The following SYDE2 variants were observed in gnomAD, a reference collection of about 807,000 sequenced individuals.
SYDE2 encodes synapse defective Rho GTPase homolog 2.
A neutral mutation model predicts 91.5 loss-of-function variants in SYDE2; 76 were observed. That is an observed-to-expected ratio of 0.83 (90% CI 0.69 to 1.01). SYDE2 has a LOEUF of 1.01. SYDE2 is among the 50% of genes least tolerant of loss of function. The probability of loss-of-function intolerance (pLI) is 0.00; values close to 1 mark genes in which losing one functional copy is unlikely to be tolerated. For synonymous variants in SYDE2, 513 were observed against 506.4 expected, an observed-to-expected ratio of 1.01 and a Z score of -0.18; for missense variants, 1,364 against 1,367.7, an observed-to-expected ratio of 1.00 and a Z score of 0.04.
intron 2 of SYDE2, among the ~76,000 whole-genome samples, chr1:85,185,972 C>A (rs562696803): frequency 6.6e-6 from 1 of 152,124 alleles, no homozygotes; most frequent in Non-Finnish European, 1.5e-5. Context: ...TACGTCCCAT[C>A]AATACCTAAT....
At chr1:85,185,550 T>C (rs1031995468) in intron 2 of SYDE2, among the ~76,000 whole-genome samples, 21 of 152,186 alleles carry the variant, frequency 1.4e-4, no homozygotes. Context: ...CTAGGTATTT[T>C]ATTCTCTTTG....
chr1:85,187,292 A>G (rs941274165), intron 2 of SYDE2, among the ~76,000 whole-genome samples: 38 of 152,060 alleles, frequency 2.5e-4, no homozygotes, highest in Non-Finnish European at 4.4e-4. Flanking sequence ...CCATCAGAGA[A>G]ATGCAAATCA....
chr1:85,168,397 C>G (rs973512677), intron 5 of SYDE2, among the ~76,000 whole-genome samples: 1 of 152,196 alleles, frequency 6.6e-6, no homozygotes, highest in Non-Finnish European at 1.5e-5. Flanking sequence ...AATTTAGCCT[C>G]ATCTAGACAA....
intron 2 of SYDE2, among the ~76,000 whole-genome samples, chr1:85,184,058 T>C (rs1236939817): frequency 6.6e-6 from 1 of 152,170 alleles, no homozygotes; most frequent in African/African-American, 2.4e-5. Context: ...AATTCCACAG[T>C]CGCTTAAAAT....
intron 4 of SYDE2, among the ~76,000 whole-genome samples, chr1:85,172,101 A>G (rs1306825668): frequency 1.3e-5 from 2 of 152,242 alleles, no homozygotes; most frequent in African/African-American, 4.8e-5. Context: ...GTACACATGA[A>G]GGAATTAGAA....
At chr1:85,189,274 C>T (rs1658267120) in intron 2 of SYDE2, among the ~76,000 whole-genome samples, 1 of 152,160 alleles carries the variant, frequency 6.6e-6, no homozygotes, top group South Asian at 2.1e-4. Context: ...CACGTATTTG[C>T]AAGGGACTTA....
chr1:85,189,380 C>A (rs909523439), intron 2 of SYDE2, among the ~76,000 whole-genome samples: 1 of 152,138 alleles, frequency 6.6e-6, no homozygotes, highest in Non-Finnish European at 1.5e-5. Context: ...ACACTAAAAA[C>A]AAAACTTTTC....
At chr1:85,196,202 G>C (rs1194228787) in intron 1 of SYDE2, among the ~76,000 whole-genome samples, 1 of 152,178 alleles carries the variant, frequency 6.6e-6, no homozygotes, top group Non-Finnish European at 1.5e-5. Context: ...GGTAGTTTAA[G>C]TACCAAGTAT....
chr1:85,160,043 G>C, intron 6 of SYDE2: 1 of 984,550 alleles, frequency 1.0e-6, no homozygotes, highest in Non-Finnish European at 1.2e-6. Context: ...ACTCTTGTGT[G>C]TTGAACAAAA....
At chr1:85,152,976 C>T (rs150191588), downstream of SYDE2, 18 of 152,338 alleles carry the variant, frequency 1.2e-4, no homozygotes, top group African/African-American at 4.3e-4. Context: ...ACCCAGAAAT[C>T]TCCATCTGCT....
chr1:85,179,410 G>T (rs1247573757), intron 3 of SYDE2, among the ~76,000 whole-genome samples: 2 of 152,148 alleles, frequency 1.3e-5, no homozygotes, highest in Admixed American at 6.5e-5. Context: ...ATATGAGAAA[G>T]TGTCAATAGA....
chr1:85,185,411 C>T (rs528757019), intron 2 of SYDE2, among the ~76,000 whole-genome samples: 7 of 151,806 alleles, frequency 4.6e-5, no homozygotes, highest in East Asian at 1.9e-4. Context: ...AAAAAGTTTA[C>T]GATATTGATT....
chr1:85,192,747 T>C (rs146486882), intron 1 of SYDE2, among the ~76,000 whole-genome samples: 132 of 152,232 alleles, frequency 8.7e-4, no homozygotes, highest in African/African-American at 3.1e-3. Flanking sequence ...GTTTGAGAAA[T>C]ATGGTCAAGT....
In SYDE2 at chr1:85,191,352, A is replaced by AC. The variant is rs539512869; in HGVS notation, c.746-601_746-600insG. 2.4e-3 allele frequency among the ~76,000 whole-genome samples: 358 copies of AC among 152,336 alleles called. 1 individual carries two copies. The highest frequency in any genetic ancestry group is 4.6e-3 in the Non-Finnish European group (311 of 68,032). ...ATCCCTTCAGAAGGCCCCAGATTAG[A>AC]AGCAGGTATGCTGTCTCACAGTATG... On this transcript the variant is annotated intron_variant, in intron 1 of 6. Transcript: ENST00000341460.
intron 2 of SYDE2, among the ~76,000 whole-genome samples, chr1:85,185,769 T>C (rs1658113052): frequency 6.6e-6 from 1 of 151,610 alleles, no homozygotes; most frequent in African/African-American, 2.4e-5. Context: ...ACTTCCTCTT[T>C]TCCTAATTGA....
chr1:85,175,751 T>A (rs561234498), intron 4 of SYDE2, among the ~76,000 whole-genome samples: 40 of 152,206 alleles, frequency 2.6e-4, no homozygotes, highest in Non-Finnish European at 4.7e-4. Context: ...TCACTGTCAC[T>A]GGCTAACTCC....
In SYDE2 at chr1:85,190,402, C is replaced by A; in HGVS notation, c.1096G>T (p.Asp366Tyr). 1.2e-6 allele frequency: 2 copies of A among 1,613,784 alleles called. No individual in the cohort carries two copies. Among genetic ancestry groups the A allele is most frequent in the Non-Finnish European group, 1.7e-6 (2 of 1,179,800 alleles). The change falls in exon 2 of 7, where the codon GAT becomes TAT. Residue 366 changes from aspartate to tyrosine, a missense_variant. Physicochemically the swap from Asp to Tyr is radical, Grantham distance 160. Transcript: ENST00000341460. ...GGATTGTACCATATTTCTCCTTCATCATCTGCATCATTTTCCTCATTAAAA... is the reference window on the plus strand; with the variant it reads ...GGATTGTACCATATTTCTCCTTCATAATCTGCATCATTTTCCTCATTAAAA... ...LDFNEENDAD[D>Y]EGEIWYNPIP...
chr1:85,187,540 C>T (rs1462878313), intron 2 of SYDE2, among the ~76,000 whole-genome samples: 2 of 150,292 alleles, frequency 1.3e-5, no homozygotes, highest in Non-Finnish European at 3.0e-5. Flanking sequence ...GACTATAAAT[C>T]ATGCTGCTAT....
At chr1:85,173,842 T>C (rs557906917) in intron 4 of SYDE2, among the ~76,000 whole-genome samples, 2 of 152,298 alleles carry the variant, frequency 1.3e-5, no homozygotes, top group South Asian at 2.1e-4. Context: ...CTGTATTTCA[T>C]ATGTTCAAGA....
Sources: gnomAD v4.1 joint callset for allele counts (sites outside exome capture counted in the v4.1 genomes callset) on GRCh38, gnomAD v4.1.1 for gene constraint, MANE v1.5 for transcripts, NCBI Gene and HGNC (gene_info 2026-07-23, HGNC 2026-07-21) for gene names.